CD4: variants seen among roughly 807,000 people sequenced by gnomAD.
CD4 encodes CD4 molecule.
A neutral mutation model predicts 50.5 loss-of-function variants in CD4; 25 were observed. The observed-to-expected ratio is 0.49, with a 90% CI of 0.36 to 0.69. The LOEUF (loss-of-function observed/expected upper bound fraction) is 0.69, where lower values mean the gene tolerates loss of function less well. Among genes scored for constraint, CD4 ranks in the 30% least tolerant of loss-of-function variants. The pLI is 0.00. For missense variants in CD4, 456 were observed against 548.5 expected, an observed-to-expected ratio of 0.83 and a Z score of 1.68; for synonymous variants, 207 against 221.9, an observed-to-expected ratio of 0.93 and a Z score of 0.60.
At position 6,814,164 on chromosome 12, in the gene CD4, C is replaced by T. The variant is rs202205614; in HGVS notation, c.237C>T (p.Arg79=). 5.7e-5 allele frequency: 92 copies of T among 1,613,908 alleles called. No homozygotes were observed. Among genetic ancestry groups the T allele is most frequent in the East Asian group, 3.1e-4 (14 of 44,896 alleles). The change falls in exon 4 of 10, where the codon CGC becomes CGT. Residue 79 remains arginine, a synonymous_variant. Coordinates refer to ENST00000011653, the MANE Select transcript of CD4 (RefSeq NM_000616.5). ...LTKGPSKLND[R]ADSRRSLWDQ... ...CAGGTCCATCCAAGCTGAATGATCG[C>T]GCTGACTCAAGAAGAAGCCTTTGGG...
chr12:6,796,612 G>A (rs1232978994), intron 1 of CD4, among the ~76,000 whole-genome samples: 5 of 152,038 alleles, frequency 3.3e-5, no homozygotes, highest in Admixed American at 6.6e-5. Flanking sequence ...CAAGCTTCCC[G>A]AAGCTCCACA....
Position 6,817,137 on chromosome 12 carries a change from G to C in CD4, c.963G>C (p.Gln321His), listed in dbSNP as rs200131031. The change falls in exon 7 of 10, where the codon CAG becomes CAC. Residue 321 changes from glutamine (Q) to histidine (H), a missense_variant. Coordinates refer to ENST00000011653, the MANE Select transcript of CD4 (RefSeq NM_000616.5). ...EVNLVVMRAT[Q>H]LQKNLTCEVW... ...CCTCTCGTTCCTCTGCAGCCACTCAGCTCCAGAAAAATTTGACCTGTGAGG... is the reference window on the plus strand; with the variant it reads ...CCTCTCGTTCCTCTGCAGCCACTCACCTCCAGAAAAATTTGACCTGTGAGG... The C allele has an allele frequency of 3.1e-6, 5 of 1,613,508 alleles. No individual in the cohort carries two copies. Among genetic ancestry groups the C allele is most frequent in the Non-Finnish European group, 4.2e-6 (5 of 1,179,536 alleles).
intron 1 of CD4, among the ~76,000 whole-genome samples, chr12:6,794,128 A>G (rs1169044408): frequency 1.3e-5 from 2 of 150,556 alleles, no homozygotes; most frequent in African/African-American, 2.5e-5. Flanking sequence ...GCTGGAGTGC[A>G]GTGGCACGAT....
chr12:6,801,665 A>G (rs1942556047), intron 3 of CD4, among the ~76,000 whole-genome samples: 1 of 150,148 alleles, frequency 6.7e-6, no homozygotes, highest in Admixed American at 6.6e-5. Flanking sequence ...GGTTCAAGTG[A>G]TTCTCCTGCC....
intron 3 of CD4, among the ~76,000 whole-genome samples, chr12:6,808,117 G>A (rs1942823898): frequency 6.7e-6 from 1 of 148,700 alleles, no homozygotes; most frequent in Non-Finnish European, 1.5e-5. Flanking sequence ...GGCAGGCAGG[G>A]CCAGGAAAGC....
chr12:6,797,784 C>G (rs959222338), intron 1 of CD4, among the ~76,000 whole-genome samples: 3 of 152,182 alleles, frequency 2.0e-5, no homozygotes, highest in Non-Finnish European at 4.4e-5. Flanking sequence ...AGCAGTATTG[C>G]CGCCATGATG....
chr12:6,816,815 G>C lies in CD4; in HGVS notation c.956-315G>C. Reference sequence around the variant, plus strand: ...TTCCTTATCTCCTTATCATCATAACGACTCTGCAAATAGTAATGGCTAACA... The same window carrying C: ...TTCCTTATCTCCTTATCATCATAACCACTCTGCAAATAGTAATGGCTAACA... On this transcript the variant is annotated intron_variant, in intron 6 of 9. Transcript: ENST00000011653. The surrounding 1 kb of genome is among the most constrained non-coding windows in gnomAD (Gnocchi z 4.9). Among the ~76,000 whole-genome samples, 1 of 152,248 alleles carries C rather than the reference G, an allele frequency of 6.6e-6. No individual in the cohort carries two copies. The highest frequency in any genetic ancestry group is 1.5e-5 in the Non-Finnish European group (1 of 68,030).
At chr12:6,802,290 G>C (rs1942588152) in intron 3 of CD4, among the ~76,000 whole-genome samples, 1 of 151,410 alleles carries the variant, frequency 6.6e-6, no homozygotes, top group Non-Finnish European at 1.5e-5. Context: ...GATATCCTCT[G>C]CTAACATTTT....
rs546840687 is a variant in CD4 at position 6,815,154 on chromosome 12, G to T, written c.607+162G>T. On this transcript the variant is annotated intron_variant, in intron 5 of 9. Transcript: ENST00000011653. ...GGCCTGTCTTGAAGGACTCACTGGGGCCCTCATCCTCAGGGGGCTGATTGG... is the reference window on the plus strand; with the variant it reads ...GGCCTGTCTTGAAGGACTCACTGGGTCCCTCATCCTCAGGGGGCTGATTGG... 6.0e-5 allele frequency: 36 copies of T among 600,250 alleles called. No individual in the cohort carries two copies. In the East Asian group the frequency reaches 1.0e-3, roughly 17 times the overall value. 37.2% of individuals were successfully genotyped at this position (600,250 alleles called of 1,614,324 possible).
Position 6,793,972 on chromosome 12 carries a change from A to G in CD4, c.-68+4310A>G, listed in dbSNP as rs868231175. Among the ~76,000 whole-genome samples the G allele has an allele frequency of 3.5e-5, 5 of 144,150 alleles. No homozygotes were observed. In the South Asian group the frequency reaches 6.6e-4, roughly 19 times the overall value. 94.6% of individuals were successfully genotyped at this position (144,150 alleles called of 152,430 possible). A position where few individuals can be genotyped will look rare whatever the true frequency, so the allele number is the denominator to read the frequency against. ...CGACACCCGGCTTCTATCTATCTAT[A>G]TCTATCTATCTATCTATCTATCTAT... On this transcript the variant is annotated intron_variant, in intron 1 of 9. Transcript: ENST00000011653.
rs1430574188 is a variant in CD4 at position 6,809,508 on chromosome 12, AT to A, written c.215-4633del. ...GAGACCCTGTCTCAAAAAAAAAAAAATGTTCTAGTTTCTTCCTCTTCTTTGT... is the reference window on the plus strand; with the variant it reads ...GAGACCCTGTCTCAAAAAAAAAAAAAGTTCTAGTTTCTTCCTCTTCTTTGT... On this transcript the variant is annotated intron_variant, in intron 3 of 9. Transcript: ENST00000011653. Among the ~76,000 whole-genome samples the A allele has an allele frequency of 9.9e-5, 15 of 151,594 alleles. No individual in the cohort carries two copies. In the East Asian group the frequency reaches 1.4e-3, roughly 14 times the overall value.
intron 3 of CD4, 91 bp downstream of exon 3, chr12:6,800,562 G>T: frequency 1.8e-6 from 2 of 1,122,252 alleles, no homozygotes; most frequent in Non-Finnish European, 2.5e-6. Flanking sequence ...TTAAACTCTG[G>T]GATCCCAGAG....
At chr12:6,791,313 A>G (rs1169091560) in intron 1 of CD4, among the ~76,000 whole-genome samples, 1 of 151,964 alleles carries the variant, frequency 6.6e-6, no homozygotes, top group African/African-American at 2.4e-5. Flanking sequence ...CGTGATCTCC[A>G]CTCACTGCAG....
rs782411482 is a variant in CD4 at position 6,811,660 on chromosome 12, AT to A, written c.215-2472del. On this transcript the variant is annotated intron_variant, in intron 3 of 9. Transcript: ENST00000011653. ...GGCATGCGTCACTATGCTCTGGCTA[AT>A]TTTTTTTTTCTTTTTTTTTTTGGTA... Among the ~76,000 whole-genome samples, 172 of 133,194 alleles carry A rather than the reference AT, an allele frequency of 1.3e-3. 1 individual carries two copies. Among genetic ancestry groups the A allele is most frequent in the Admixed American group, 3.3e-3 (45 of 13,554 alleles). 87.4% of individuals were successfully genotyped at this position (133,194 alleles called of 152,430 possible).
chr12:6,795,142 T>TA (rs1555114255), intron 1 of CD4, among the ~76,000 whole-genome samples: 2 of 121,684 alleles, frequency 1.6e-5, no homozygotes, highest in Non-Finnish European at 3.6e-5. Context: ...CTATCTAATC[T>TA]ATCTTTCTGT....
intron 3 of CD4, among the ~76,000 whole-genome samples, chr12:6,805,430 G>A (rs1342891622): frequency 6.6e-6 from 1 of 151,664 alleles, no homozygotes; most frequent in Admixed American, 6.6e-5. Flanking sequence ...AGGTGTTGTG[G>A]CGCATGCCTG....
intron 3 of CD4, among the ~76,000 whole-genome samples, chr12:6,801,904 G>C (rs1189667586): frequency 7.0e-6 from 1 of 143,774 alleles, no homozygotes; most frequent in African/African-American, 2.6e-5. Flanking sequence ...GCAAACTCTC[G>C]ATCTGTTGCC....
chr12:6,814,983 G>T lies in CD4; in HGVS notation c.598G>T (p.Val200Leu), dbSNP rs140406047. 5.0e-6 allele frequency: 8 copies of T among 1,609,998 alleles called. No homozygotes were observed. Among genetic ancestry groups the T allele is most frequent in the Non-Finnish European group, 6.8e-6 (8 of 1,176,834 alleles). ...QKKVEFKIDIVVLAFQKASSI... is the reference protein window; with the variant it reads ...QKKVEFKIDILVLAFQKASSI... ...GAAGGTGGAGTTCAAAATAGACATC[G>T]TGGTGCTAGGTAAGGGAAGCCCCTC... Residue 200 changes from valine (V) to leucine (L), a missense_variant, in exon 5 of 10, where the codon GTG becomes TTG. Val to Leu is a conservative substitution (Grantham distance 32, BLOSUM62 1). Coordinates refer to ENST00000011653, the MANE Select transcript of CD4 (RefSeq NM_000616.5).
At chr12:6,790,093 T>G (rs1942110566) in intron 1 of CD4, among the ~76,000 whole-genome samples, 1 of 150,788 alleles carries the variant, frequency 6.6e-6, no homozygotes, top group Non-Finnish European at 1.5e-5. Context: ...AAAGAATAAA[T>G]AAATATAAGG....
Sources: allele counts gnomAD v4.1 joint callset (sites outside exome capture counted in the v4.1 genomes callset), GRCh38; gene constraint gnomAD v4.1.1; non-coding constraint Gnocchi (gnomAD v3.1); transcripts MANE v1.5; gene names NCBI Gene and HGNC (gene_info 2026-07-23, HGNC 2026-07-21).